EML4: variants seen among roughly 807,000 people sequenced by gnomAD.
The protein encoded by EML4 is EMAP like 4.
In EML4, 72 loss-of-function variants were observed where a neutral mutation model predicts 129.0. That is an observed-to-expected ratio of 0.56 (90% CI 0.46 to 0.68). The LOEUF (loss-of-function observed/expected upper bound fraction) is 0.68. Among genes scored for constraint, EML4 ranks in the 30% least tolerant of loss-of-function variants. The pLI, the probability that EML4 is intolerant of heterozygous loss-of-function variation, is 0.00. For missense variants in EML4, 1,363 were observed against 1,190.6 expected, an observed-to-expected ratio of 1.14 and a Z score of -2.13; for synonymous variants, 532 against 405.0, an observed-to-expected ratio of 1.31 and a Z score of -3.77.
At chr2:42,192,660 T>A (rs907399716) in intron 1 of EML4, among the ~76,000 whole-genome samples, 4 of 152,072 alleles carry the variant, frequency 2.6e-5, no homozygotes, top group African/African-American at 9.7e-5. Flanking sequence ...AAGAGTTAGA[T>A]GAGAAATAGG....
intron 1 of EML4, chr2:42,170,031 C>T (rs900130443): frequency 3.4e-5 from 6 of 174,620 alleles, no homozygotes; most frequent in Non-Finnish European, 1.2e-5. Context: ...CAACCTTCCA[C>T]CACCTTTCCA....
At chr2:42,221,750 CCCACT>C in intron 1 of EML4, among the ~76,000 whole-genome samples, 1 of 151,918 alleles carries the variant, frequency 6.6e-6, no homozygotes, top group Middle Eastern at 3.4e-3. Context: ...ATTATAGGTG[CCCACT>C]ACCACACCCA....
intron 1 of EML4, among the ~76,000 whole-genome samples, chr2:42,202,195 G>C (rs1415252368): frequency 1.3e-5 from 2 of 152,166 alleles, no homozygotes; most frequent in Non-Finnish European, 2.9e-5. Flanking sequence ...ATTTGGACAA[G>C]AGAAATAGAT....
At chr2:42,201,631 A>G (rs1040051674) in intron 1 of EML4, among the ~76,000 whole-genome samples, 5 of 152,208 alleles carry the variant, frequency 3.3e-5, no homozygotes, top group Admixed American at 6.5e-5. Flanking sequence ...CAGATAAGAA[A>G]AACGTACTCA....
At chr2:42,200,494 G>T (rs568487192) in intron 1 of EML4, among the ~76,000 whole-genome samples, 49 of 152,340 alleles carry the variant, frequency 3.2e-4, no homozygotes, top group African/African-American at 9.4e-4. Flanking sequence ...GTTAGGTATT[G>T]TGGTTGTCAG....
chr2:42,230,004 T>C (rs1247492415), intron 1 of EML4, among the ~76,000 whole-genome samples: 2 of 152,124 alleles, frequency 1.3e-5, no homozygotes, highest in Admixed American at 6.6e-5. Flanking sequence ...TTTTCTATCA[T>C]GCAATTATTG....
chr2:42,217,105 G>A (rs1232294199), intron 1 of EML4, among the ~76,000 whole-genome samples: 2 of 152,172 alleles, frequency 1.3e-5, no homozygotes, highest in African/African-American at 2.4e-5. Flanking sequence ...GTTGGACTGA[G>A]TAAATTTTTT....
At position 42,279,894 on chromosome 2, in the gene EML4, A is replaced by G. The variant is rs1482438770; in HGVS notation, c.668-956A>G. ...TTAGTGATGTTGAACAGTTTTTTGTATACCTGTTGGCCATTTTTATGTCTT... is the reference window on the plus strand; with the variant it reads ...TTAGTGATGTTGAACAGTTTTTTGTGTACCTGTTGGCCATTTTTATGTCTT... On this transcript the variant is annotated intron_variant, in intron 6 of 22. Transcript: ENST00000318522. Among the ~76,000 whole-genome samples, 10 of 152,052 alleles carry G rather than the reference A, an allele frequency of 6.6e-5. No homozygotes were observed. The East Asian group carries it at 1.9e-3, about 29-fold the overall frequency.
intron 6 of EML4, among the ~76,000 whole-genome samples, chr2:42,276,845 G>C (rs936597830): frequency 6.6e-6 from 1 of 152,206 alleles, no homozygotes; most frequent in African/African-American, 2.4e-5. Flanking sequence ...GAAGTGCTTA[G>C]GTTATATACT....
chr2:42,186,685 A>G (rs964149643), intron 1 of EML4, among the ~76,000 whole-genome samples: 3 of 152,184 alleles, frequency 2.0e-5, no homozygotes, highest in Non-Finnish European at 4.4e-5. Context: ...TGCATTCTCG[A>G]TAGCAAATTC....
At chr2:42,261,498 A>T in intron 4 of EML4, 29 of 54,208 alleles carry the variant, frequency 5.3e-4, no homozygotes, top group East Asian at 1.4e-3. Flanking sequence ...TTAAAACTGG[A>T]AAAAAAAAAA....
intron 1 of EML4, among the ~76,000 whole-genome samples, chr2:42,176,487 C>G (rs1326741067): frequency 6.6e-6 from 1 of 152,208 alleles, no homozygotes. Flanking sequence ...CCTCTGTCAT[C>G]TCTTTCTACT....
chr2:42,216,022 C>T (rs1673164026), intron 1 of EML4, among the ~76,000 whole-genome samples: 1 of 151,096 alleles, frequency 6.6e-6, no homozygotes. Flanking sequence ...CTGGTTGAAG[C>T]AATTCTGCTG....
At chr2:42,263,814 C>T (rs921737641) in intron 5 of EML4, among the ~76,000 whole-genome samples, 3 of 152,162 alleles carry the variant, frequency 2.0e-5, no homozygotes, top group Admixed American at 6.5e-5. Flanking sequence ...ACTGCAACCT[C>T]CGCCTCCCAG....
At chr2:42,173,685 C>CA (rs556916210) in intron 1 of EML4, among the ~76,000 whole-genome samples, 26 of 150,788 alleles carry the variant, frequency 1.7e-4, no homozygotes, top group South Asian at 4.2e-4. Context: ...CCTGTCTCTG[C>CA]AAAAAAAACA....
intron 19 of EML4, among the ~76,000 whole-genome samples, chr2:42,321,125 T>C (rs960230348): frequency 6.6e-6 from 1 of 151,984 alleles, no homozygotes; most frequent in East Asian, 2.0e-4. Flanking sequence ...GGCTCACACT[T>C]GTAATCCCAG....
chr2:42,216,092 G>A (rs1015771772), intron 1 of EML4, among the ~76,000 whole-genome samples: 2 of 151,628 alleles, frequency 1.3e-5, no homozygotes, highest in African/African-American at 4.8e-5. Context: ...GCTAATTTTT[G>A]TATTTTTATT....
chr2:42,290,328 T>A (rs538970895), intron 11 of EML4, among the ~76,000 whole-genome samples: 1 of 152,280 alleles, frequency 6.6e-6, no homozygotes, highest in Non-Finnish European at 1.5e-5. Flanking sequence ...AGTTGATATA[T>A]AACTTTTTAA....
intron 19 of EML4, among the ~76,000 whole-genome samples, chr2:42,324,597 C>G (rs1669689456): frequency 6.6e-6 from 1 of 152,072 alleles, no homozygotes; most frequent in Non-Finnish European, 1.5e-5. Context: ...CCAGCCTTGG[C>G]AACAGAGTGA....
Sources: gnomAD v4.1 joint callset for allele counts (sites outside exome capture counted in the v4.1 genomes callset) on GRCh38, gnomAD v4.1.1 for gene constraint, MANE v1.5 for transcripts, NCBI Gene and HGNC (gene_info 2026-07-23, HGNC 2026-07-21) for gene names.